The following NELL1 variants were observed in gnomAD, a reference collection of about 807,000 sequenced individuals.
NELL1 encodes protein kinase C-binding protein NELL1.
NELL1 carries 76 observed loss-of-function variants against 107.4 expected under a neutral mutation model. That is an observed-to-expected ratio of 0.71 (90% CI 0.59 to 0.86). NELL1 has a LOEUF of 0.86. Ranked by LOEUF, NELL1 falls within the 40% of genes least tolerant of loss-of-function variation. The pLI, the probability that NELL1 is intolerant of heterozygous loss-of-function variation, is 0.00. For synonymous variants in NELL1, 353 were observed against 341.2 expected (o/e 1.03, Z -0.38); for missense variants, 1,024 against 1,005.5 (o/e 1.02, Z -0.25).
intron 15 of NELL1, among the ~76,000 whole-genome samples, chr11:21,401,513 C>T (rs906655069): frequency 6.7e-6 from 1 of 150,286 alleles, no homozygotes; most frequent in African/African-American, 2.5e-5. Context: ...AGTTATAACA[C>T]GTTTCCTGTA....
chr11:21,109,208 TA>T (rs1478422360), intron 12 of NELL1, among the ~76,000 whole-genome samples: 1 of 152,118 alleles, frequency 6.6e-6, no homozygotes, highest in Non-Finnish European at 1.5e-5. Context: ...GTCTGATACC[TA>T]AAAAACAGCA....
intron 2 of NELL1, among the ~76,000 whole-genome samples, chr11:20,776,856 A>G (rs1343205956): frequency 6.6e-6 from 1 of 152,216 alleles, no homozygotes; most frequent in African/African-American, 2.4e-5. Flanking sequence ...CTGGGGCAAG[A>G]GTCAGCTTTG....
At chr11:21,441,305 T>C (rs976562804) in intron 15 of NELL1, among the ~76,000 whole-genome samples, 8 of 151,200 alleles carry the variant, frequency 5.3e-5, no homozygotes, top group African/African-American at 1.9e-4. Flanking sequence ...TGAACAGCCA[T>C]ATATTCTTTA....
At chr11:21,344,620 G>A (rs911974933) in intron 14 of NELL1, among the ~76,000 whole-genome samples, 1 of 152,122 alleles carries the variant, frequency 6.6e-6, no homozygotes, top group Non-Finnish European at 1.5e-5. Context: ...GTATAAAGAG[G>A]AAATATAACC....
chr11:21,493,420 T>A (rs577095196), intron 15 of NELL1, among the ~76,000 whole-genome samples: 1 of 152,028 alleles, frequency 6.6e-6, no homozygotes, highest in African/African-American at 2.4e-5. Flanking sequence ...AAGAATGAAA[T>A]CATGTAATTT....
intron 2 of NELL1, among the ~76,000 whole-genome samples, chr11:20,709,354 T>C (rs530102529): frequency 3.3e-4 from 50 of 152,300 alleles, no homozygotes; most frequent in African/African-American, 1.2e-3. Flanking sequence ...GCTGTAAGTA[T>C]TTGGCTTTAA....
intron 16 of NELL1, among the ~76,000 whole-genome samples, chr11:21,544,063 A>G (rs1200773892): frequency 6.6e-6 from 1 of 152,042 alleles, no homozygotes; most frequent in Non-Finnish European, 1.5e-5. Flanking sequence ...CTAGTCATAA[A>G]GAAAAAGAAA....
Position 20,947,450 on chromosome 11 carries a change from T to G in NELL1, c.1171+15T>G. ...TGTCTGTAGAGGTAAGTGGGCTTGG[T>G]GGTGGGCCATGCGTGGGGTGAGGCT... is the stretch of plus-strand genomic sequence containing the variant. On this transcript the variant is annotated intron_variant, in intron 11 of 19. Coordinates refer to ENST00000357134, the MANE Select transcript of NELL1 (RefSeq NM_006157.5). 1 of 1,594,438 alleles carries G rather than the reference T, an allele frequency of 6.3e-7. No homozygotes were observed. The highest frequency in any genetic ancestry group is 8.6e-7 in the Non-Finnish European group (1 of 1,162,224).
rs1857874378 is a variant in NELL1 at position 21,225,603 on chromosome 11, G to A, written c.1427-3729G>A. Among the ~76,000 whole-genome samples, 3 of 152,238 alleles carry A rather than the reference G, an allele frequency of 2.0e-5. 1 individual carries two copies. Among genetic ancestry groups the A allele is most frequent in the Middle Eastern group, 6.8e-3 (2 of 294 alleles). On this transcript the variant is annotated intron_variant, in intron 13 of 19. Transcript: ENST00000357134. ...GATTTGTGGTTATCTACTGGTTGTT[G>A]TGGTCCTTTGTCAGGGAGGTGAGTG...
intron 2 of NELL1, among the ~76,000 whole-genome samples, chr11:20,696,449 G>T (rs1196715132): frequency 1.3e-5 from 2 of 152,040 alleles, no homozygotes; most frequent in Non-Finnish European, 2.9e-5. Flanking sequence ...TAGGCCTTTA[G>T]TGCTATAAGC....
At chr11:21,426,108 T>C (rs1412906193) in intron 15 of NELL1, among the ~76,000 whole-genome samples, 1 of 152,272 alleles carries the variant, frequency 6.6e-6, no homozygotes, top group Non-Finnish European at 1.5e-5. Flanking sequence ...GAGAAAACCC[T>C]TTTGTTTACT....
At chr11:21,435,964 G>C (rs1018295424) in intron 15 of NELL1, among the ~76,000 whole-genome samples, 1 of 152,188 alleles carries the variant, frequency 6.6e-6, no homozygotes. Context: ...AAAGCAATCA[G>C]TGCCAGGCAT....
At chr11:21,468,110 T>G (rs1003638089) in intron 15 of NELL1, among the ~76,000 whole-genome samples, 1 of 152,098 alleles carries the variant, frequency 6.6e-6, no homozygotes, top group Non-Finnish European at 1.5e-5. Context: ...ATCTGGCATT[T>G]TAATTATAAA....
At chr11:21,499,415 T>C (rs1855077694) in intron 15 of NELL1, among the ~76,000 whole-genome samples, 1 of 152,174 alleles carries the variant, frequency 6.6e-6, no homozygotes, top group Non-Finnish European at 1.5e-5. Context: ...GTTTATTTGC[T>C]ATTCATGCAT....
intron 12 of NELL1, among the ~76,000 whole-genome samples, chr11:21,034,863 C>T (rs569079053): frequency 6.6e-6 from 1 of 152,144 alleles, no homozygotes; most frequent in Non-Finnish European, 1.5e-5. Flanking sequence ...AATCCCAAAG[C>T]TAGCAGACGA....
At chr11:21,232,651 A>G (rs974536952) in intron 14 of NELL1, among the ~76,000 whole-genome samples, 1 of 151,990 alleles carries the variant, frequency 6.6e-6, no homozygotes, top group Non-Finnish European at 1.5e-5. Context: ...AGTCTTTTTT[A>G]TTTTCACTTT....
chr11:21,310,751 T>C (rs1849732765), intron 14 of NELL1, among the ~76,000 whole-genome samples: 1 of 152,002 alleles, frequency 6.6e-6, no homozygotes, highest in Admixed American at 6.6e-5. Flanking sequence ...TAGAATGGAA[T>C]CAGCTTGTTG....
chr11:21,373,315 C>T (rs1162691403), intron 15 of NELL1, among the ~76,000 whole-genome samples: 1 of 152,036 alleles, frequency 6.6e-6, no homozygotes, highest in Non-Finnish European at 1.5e-5. Flanking sequence ...TGATCATTAG[C>T]AATAAACATT....
At chr11:20,681,477 T>G (rs1854188514) in intron 2 of NELL1, among the ~76,000 whole-genome samples, 1 of 152,072 alleles carries the variant, frequency 6.6e-6, no homozygotes, top group African/African-American at 2.4e-5. Context: ...TTTTAACATC[T>G]ATATTTATTT....
Sources: allele counts gnomAD v4.1 joint callset (sites outside exome capture counted in the v4.1 genomes callset), GRCh38; gene constraint gnomAD v4.1.1; transcripts MANE v1.5; gene names NCBI Gene and HGNC (gene_info 2026-07-23, HGNC 2026-07-21).